ST8SIA2: variants seen among roughly 807,000 people sequenced by gnomAD.
ST8SIA2 encodes the protein ST8 alpha-N-acetyl-neuraminide alpha-2,8-sialyltransferase 2, also known as alpha-2,8-sialyltransferase 8B.
In ST8SIA2, 22 loss-of-function variants were observed where a neutral mutation model predicts 37.6. The observed-to-expected ratio is 0.58, with a 90% CI of 0.42 to 0.83. The LOEUF is 0.83. Among genes scored for constraint, ST8SIA2 ranks in the 40% least tolerant of loss-of-function variants. ST8SIA2 has a pLI of 0.00. For missense variants in ST8SIA2, 382 were observed against 484.7 expected (o/e 0.79, Z 1.99); for synonymous variants, 205 against 201.2 (o/e 1.02, Z -0.16).
rs35691790 is a variant in ST8SIA2 at position 92,404,667 on chromosome 15, C to CA, written c.98+10524dup. 9.1e-3 allele frequency among the ~76,000 whole-genome samples: 961 copies of CA among 105,170 alleles called. 8 individuals carry two copies. The highest frequency in any genetic ancestry group is 0.041 in the Middle Eastern group (9 of 222). 69.0% of individuals were successfully genotyped at this position (105,170 alleles called of 152,430 possible). ...TGAAACCCTGTCTTTACTAAAAATA[C>CA]AAAAAAAAAAAAAAAAAAATTAGCT... On this transcript the variant is annotated intron_variant, in intron 1 of 5. Coordinates refer to ENST00000268164, the MANE Select transcript of ST8SIA2 (RefSeq NM_006011.4).
chr15:92,409,960 G>T (rs993707214), intron 1 of ST8SIA2, among the ~76,000 whole-genome samples: 6 of 152,236 alleles, frequency 3.9e-5, no homozygotes, highest in Admixed American at 2.0e-4. Context: ...GTGATCTGGT[G>T]GGGGAGCGAG....
chr15:92,451,370 TG>T (rs2049880846), intron 5 of ST8SIA2, among the ~76,000 whole-genome samples: 1 of 152,132 alleles, frequency 6.6e-6, no homozygotes, highest in South Asian at 2.1e-4. Context: ...GTTCAGAGCC[TG>T]GGGCAGCACC....
chr15:92,439,724 T>C (rs77714245), intron 4 of ST8SIA2, among the ~76,000 whole-genome samples: 3,861 of 152,256 alleles, frequency 0.025, 174 homozygotes, highest in African/African-American at 0.085. Flanking sequence ...TGTCTGGGCC[T>C]GGCATATCCA....
intron 1 of ST8SIA2, among the ~76,000 whole-genome samples, chr15:92,397,731 G>T (rs1303484777): frequency 6.6e-6 from 1 of 152,206 alleles, no homozygotes; most frequent in African/African-American, 2.4e-5. Context: ...GCCCATCATG[G>T]TGTCCATGGA....
intron 1 of ST8SIA2, among the ~76,000 whole-genome samples, chr15:92,428,452 G>A (rs1173035547): frequency 6.6e-6 from 1 of 152,084 alleles, no homozygotes; most frequent in East Asian, 1.9e-4. Context: ...TTAATGTCTG[G>A]CCAAGCAGGT....
Position 92,438,555 on chromosome 15 carries a change from G to C in ST8SIA2, c.493G>C (p.Val165Leu). 1 of 1,614,000 alleles carries C rather than the reference G, an allele frequency of 6.2e-7. No individual in the cohort carries two copies. The highest frequency in any genetic ancestry group is 8.5e-7 in the Non-Finnish European group (1 of 1,179,886). ...GTCAIVGNSGVLLNSGCGQEI... is the reference protein window; with the variant it reads ...GTCAIVGNSGLLLNSGCGQEI... The stretch of plus-strand genomic sequence containing the variant: ...TTGTGCCATCGTGGGCAACTCGGGG[G>C]TCTTGCTGAACAGCGGCTGTGGGCA... The change falls in exon 4 of 6, where the codon GTC becomes CTC. Residue 165 changes from valine (V) to leucine (L), a missense_variant. Coordinates refer to ENST00000268164, the MANE Select transcript of ST8SIA2 (RefSeq NM_006011.4).
chr15:92,454,169 G>A (rs1224437122), intron 5 of ST8SIA2, among the ~76,000 whole-genome samples: 1 of 152,140 alleles, frequency 6.6e-6, no homozygotes, highest in African/African-American at 2.4e-5. Context: ...AGTTCTGGGG[G>A]CTGGAAGTTC....
At chr15:92,404,187 A>C (rs1238282985) in intron 1 of ST8SIA2, among the ~76,000 whole-genome samples, 1 of 152,230 alleles carries the variant, frequency 6.6e-6, no homozygotes, top group Non-Finnish European at 1.5e-5. Context: ...AGTTCTTGCC[A>C]GAGCTGGATT....
chr15:92,421,326 A>G (rs527481581), intron 1 of ST8SIA2: 3 of 152,354 alleles, frequency 2.0e-5, no homozygotes. Flanking sequence ...TAGTGAGGAC[A>G]AGGGGTGTTT....
intron 4 of ST8SIA2, among the ~76,000 whole-genome samples, chr15:92,438,954 A>T (rs1483150394): frequency 6.6e-6 from 1 of 152,212 alleles, no homozygotes; most frequent in Non-Finnish European, 1.5e-5. Flanking sequence ...TTTGGTTGGA[A>T]CACAGCCATG....
chr15:92,412,199 G>A (rs1246292829), intron 1 of ST8SIA2, among the ~76,000 whole-genome samples: 1 of 152,140 alleles, frequency 6.6e-6, no homozygotes, highest in Non-Finnish European at 1.5e-5. Flanking sequence ...TGGGTGAGGG[G>A]TGGAGGCAGG....
At chr15:92,463,879 T>C (rs1428928901) in intron 5 of ST8SIA2, among the ~76,000 whole-genome samples, 1 of 152,086 alleles carries the variant, frequency 6.6e-6, no homozygotes, top group African/African-American at 2.4e-5. Flanking sequence ...TTTGAGAATT[T>C]CATAAACTCG....
chr15:92,451,017 A>T (rs903254868), intron 5 of ST8SIA2, among the ~76,000 whole-genome samples: 4 of 152,218 alleles, frequency 2.6e-5, no homozygotes, highest in Non-Finnish European at 1.5e-5. Flanking sequence ...AAAGCATTTC[A>T]TGGGCAACTT....
At chr15:92,449,161 T>C (rs1422285566) in intron 5 of ST8SIA2, among the ~76,000 whole-genome samples, 1 of 152,154 alleles carries the variant, frequency 6.6e-6, no homozygotes. Context: ...CCTTTCCCCA[T>C]TCCCTTCTTC....
At chr15:92,440,588 T>C (rs528717912) in intron 4 of ST8SIA2, among the ~76,000 whole-genome samples, 2 of 152,340 alleles carry the variant, frequency 1.3e-5, no homozygotes, top group East Asian at 1.9e-4. Flanking sequence ...TCCATGGCTC[T>C]GAAACTCCCA....
At chr15:92,398,460 G>A (rs1415592589) in intron 1 of ST8SIA2, among the ~76,000 whole-genome samples, 1 of 152,256 alleles carries the variant, frequency 6.6e-6, no homozygotes, top group Non-Finnish European at 1.5e-5. Flanking sequence ...TGAAGATGAT[G>A]ATCACGGTTA....
chr15:92,396,435 A>G (rs961987360), intron 1 of ST8SIA2, among the ~76,000 whole-genome samples: 1 of 152,022 alleles, frequency 6.6e-6, no homozygotes, highest in Non-Finnish European at 1.5e-5. Flanking sequence ...CTGTCTGCTT[A>G]CAAGTGAGGG....
rs1452983698 is a variant in ST8SIA2, at chr15:92,413,948, TG to T, written c.99-16096del. ...CGTCTATAGGCACCAGCCCAGACCC[TG>T]GGGGCTAATAGGCTGTGACTTTCAT... On this transcript the variant is annotated intron_variant, in intron 1 of 5. Transcript: ENST00000268164. Among the ~76,000 whole-genome samples, 6 of 152,318 alleles carry T rather than the reference TG, an allele frequency of 3.9e-5. No individual in the cohort carries two copies. In the East Asian group the frequency reaches 1.2e-3, roughly 29 times the overall value.
At chr15:92,446,578 G>A (rs922645323) in intron 5 of ST8SIA2, among the ~76,000 whole-genome samples, 1 of 152,210 alleles carries the variant, frequency 6.6e-6, no homozygotes, top group African/African-American at 2.4e-5. Flanking sequence ...TATACACTAA[G>A]ACACAGTAGT....
Sources: allele counts gnomAD v4.1 joint callset (sites outside exome capture counted in the v4.1 genomes callset), GRCh38; gene constraint gnomAD v4.1.1; transcripts MANE v1.5; gene names NCBI Gene and HGNC (gene_info 2026-07-23, HGNC 2026-07-21).